SLC24A3: variants seen among roughly 807,000 people sequenced by gnomAD.
SLC24A3 encodes sodium/potassium/calcium exchanger 3.
SLC24A3 carries 28 observed loss-of-function variants against 75.8 expected under a neutral mutation model. That is an observed-to-expected ratio of 0.37 (90% CI 0.27 to 0.51). The LOEUF (loss-of-function observed/expected upper bound fraction) is 0.51, where lower values mean the gene tolerates loss of function less well. SLC24A3 is among the 20% of genes least tolerant of loss of function. The probability of loss-of-function intolerance (pLI) is 0.94; values close to 1 mark genes in which losing one functional copy is unlikely to be tolerated. For synonymous variants in SLC24A3, 372 were observed against 334.1 expected (o/e 1.11, Z -1.24); for missense variants, 663 against 847.8 (o/e 0.78, Z 2.71).
intron 9 of SLC24A3, among the ~76,000 whole-genome samples, chr20:19,679,368 C>G (rs376960029): frequency 1.3e-5 from 2 of 152,250 alleles, no homozygotes; most frequent in Non-Finnish European, 2.9e-5. Flanking sequence ...TCAGGCGTGG[C>G]GGCACGCACC....
chr20:19,620,179 A>G (rs1368697303), intron 6 of SLC24A3, among the ~76,000 whole-genome samples: 1 of 152,194 alleles, frequency 6.6e-6, no homozygotes, highest in Non-Finnish European at 1.5e-5. Context: ...AAATCCACCC[A>G]TGACACCTTT....
intron 12 of SLC24A3, among the ~76,000 whole-genome samples, chr20:19,688,714 G>A (rs1379956528): frequency 1.3e-5 from 2 of 152,196 alleles, no homozygotes; most frequent in Non-Finnish European, 2.9e-5. Flanking sequence ...CAGCCACAGT[G>A]CTTTCTTCTC....
Position 19,544,830 on chromosome 20 carries a change from G to T in SLC24A3, c.348+29266G>T, listed in dbSNP as rs555583568. On this transcript the variant is annotated intron_variant, in intron 3 of 16. Coordinates refer to ENST00000328041, the MANE Select transcript of SLC24A3 (RefSeq NM_020689.4). ...AGAAAGGGAGCGGACAGGAACCCAA[G>T]GCAGTTTGAATGAAGCAACTCCAAG... Among the ~76,000 whole-genome samples the T allele has an allele frequency of 1.2e-4, 18 of 152,244 alleles. 1 individual carries two copies. In the South Asian group the frequency reaches 3.7e-3, roughly 32 times the overall value.
At chr20:19,657,794 T>C (rs2032282463) in intron 7 of SLC24A3, among the ~76,000 whole-genome samples, 1 of 152,324 alleles carries the variant, frequency 6.6e-6, no homozygotes, top group East Asian at 1.9e-4. Context: ...ACTGTCTTTT[T>C]TCTTCTTCTC....
At chr20:19,332,005 C>T (rs1023837310) in intron 2 of SLC24A3, among the ~76,000 whole-genome samples, 14 of 152,038 alleles carry the variant, frequency 9.2e-5, no homozygotes, top group Admixed American at 2.0e-4. Context: ...GCACCCAAGC[C>T]GGAGGGAGAC....
At chr20:19,253,507 G>A (rs1055022202) in intron 1 of SLC24A3, among the ~76,000 whole-genome samples, 1 of 152,126 alleles carries the variant, frequency 6.6e-6, no homozygotes, top group Non-Finnish European at 1.5e-5. Flanking sequence ...TTTGCTTCTC[G>A]GATTGTTTCC....
chr20:19,349,290 A>G (rs1481056444), intron 2 of SLC24A3, among the ~76,000 whole-genome samples: 1 of 152,176 alleles, frequency 6.6e-6, no homozygotes, highest in East Asian at 1.9e-4. Flanking sequence ...GTGCCTCTAG[A>G]CTAACATTCA....
At chr20:19,348,106 G>A (rs1985470299) in intron 2 of SLC24A3, among the ~76,000 whole-genome samples, 1 of 152,210 alleles carries the variant, frequency 6.6e-6, no homozygotes, top group Admixed American at 6.5e-5. Context: ...ACAACAAGGT[G>A]GCAATTGACC....
At chr20:19,401,969 G>A (rs1378327275) in intron 2 of SLC24A3, among the ~76,000 whole-genome samples, 3 of 152,174 alleles carry the variant, frequency 2.0e-5, no homozygotes, top group Admixed American at 6.5e-5. Flanking sequence ...TCCTACTGGT[G>A]TTTCTTGGGC....
chr20:19,469,561 C>G (rs545646247), intron 2 of SLC24A3, among the ~76,000 whole-genome samples: 8 of 152,134 alleles, frequency 5.3e-5, no homozygotes, highest in African/African-American at 1.9e-4. Flanking sequence ...TGCATGATGC[C>G]TTCATCTGAG....
intron 2 of SLC24A3, among the ~76,000 whole-genome samples, chr20:19,418,199 A>G (rs1162469673): frequency 7.9e-5 from 12 of 152,188 alleles, no homozygotes; most frequent in Admixed American, 7.9e-4. Flanking sequence ...AGGAATTTTA[A>G]ACAAACAGAG....
intron 3 of SLC24A3, among the ~76,000 whole-genome samples, chr20:19,536,375 G>C (rs1052634922): frequency 4.6e-5 from 7 of 152,110 alleles, no homozygotes; most frequent in Non-Finnish European, 1.0e-4. Context: ...TGGGATGCAT[G>C]ACTCTGAGGA....
At chr20:19,259,343 G>A (rs974564558) in intron 1 of SLC24A3, among the ~76,000 whole-genome samples, 9 of 151,954 alleles carry the variant, frequency 5.9e-5, no homozygotes, top group Admixed American at 1.3e-4. Context: ...GCTTCCGTCC[G>A]CCTGACACCT....
intron 2 of SLC24A3, among the ~76,000 whole-genome samples, chr20:19,362,347 T>C (rs1229040731): frequency 6.6e-6 from 1 of 152,232 alleles, no homozygotes; most frequent in African/African-American, 2.4e-5. Context: ...CTGCCTGAGT[T>C]TGAACTCTAG....
At chr20:19,646,839 C>CTGTG (rs1329350835) in intron 6 of SLC24A3, among the ~76,000 whole-genome samples, 3 of 94,326 alleles carry the variant, frequency 3.2e-5, no homozygotes, top group African/African-American at 1.6e-4. Flanking sequence ...AATTACAAAA[C>CTGTG]TCTGTGTGTG....
Position 19,486,031 on chromosome 20 carries a change from T to A in SLC24A3, c.272-29457T>A, listed in dbSNP as rs189190293. Reference sequence around the variant, plus strand: ...TGCAGGGTCAGCTGCAGTGTGGGGGTGTGGGAGGTAAGTGGGCTGGAGGGT... The same window carrying A: ...TGCAGGGTCAGCTGCAGTGTGGGGGAGTGGGAGGTAAGTGGGCTGGAGGGT... On this transcript the variant is annotated intron_variant, in intron 2 of 16. Transcript: ENST00000328041. Among the ~76,000 whole-genome samples the A allele has an allele frequency of 5.2e-3, 793 of 151,742 alleles. 6 individuals are homozygous for A. Among genetic ancestry groups the A allele is most frequent in the Middle Eastern group, 0.027 (8 of 294 alleles).
intron 8 of SLC24A3, among the ~76,000 whole-genome samples, chr20:19,669,799 G>C (rs986238812): frequency 2.0e-5 from 3 of 152,210 alleles, no homozygotes; most frequent in Non-Finnish European, 4.4e-5. Context: ...AGAGCCAACA[G>C]TGTACCCAGG....
intron 2 of SLC24A3, among the ~76,000 whole-genome samples, chr20:19,288,385 C>G (rs894133403): frequency 2.6e-5 from 4 of 152,160 alleles, no homozygotes; most frequent in Non-Finnish European, 5.9e-5. Context: ...TTTGACATCC[C>G]TTTAGGGCAT....
intron 2 of SLC24A3, among the ~76,000 whole-genome samples, chr20:19,485,054 T>G (rs1025334757): frequency 5.3e-5 from 8 of 152,222 alleles, no homozygotes; most frequent in African/African-American, 1.9e-4. Context: ...ACTCAGGCAC[T>G]CACTCTCATG....
Sources: gnomAD v4.1 joint callset for allele counts (sites outside exome capture counted in the v4.1 genomes callset) on GRCh38, gnomAD v4.1.1 for gene constraint, MANE v1.5 for transcripts, NCBI Gene and HGNC (gene_info 2026-07-23, HGNC 2026-07-21) for gene names.